LGI2: variants seen among roughly 807,000 people sequenced by gnomAD.
The protein encoded by LGI2 is leucine rich repeat LGI family member 2, also known as leucine-rich repeat LGI family member 2.
A neutral mutation model predicts 52.0 loss-of-function variants in LGI2; 30 were observed. The observed-to-expected ratio is 0.58, with a 90% CI of 0.43 to 0.78. LGI2 has a LOEUF of 0.78. LGI2 is among the 30% of genes least tolerant of loss of function. LGI2 has a pLI of 0.00. For synonymous variants in LGI2, 270 were observed against 271.8 expected (o/e 0.99, Z 0.06); for missense variants, 573 against 692.5 (o/e 0.83, Z 1.94).
intron 7 of LGI2, among the ~76,000 whole-genome samples, chr4:25,005,576 A>C (rs962466178): frequency 6.3e-5 from 4 of 63,828 alleles, no homozygotes; most frequent in Non-Finnish European, 1.4e-4. Context: ...TGTATCCTTG[A>C]AAAAAAAAAA....
In LGI2 at chr4:25,003,978, A is replaced by C; in HGVS notation, c.1111T>G (p.Phe371Val). Reference protein sequence around the residue: ...FYSYQSLHEWFRDTDAEFVDI... With the variant: ...FYSYQSLHEWVRDTDAEFVDI... ...ACAAACTCCGCATCCGTGTCCCTGA[A>C]CCACTCGTGCAGTGACTGGTAAGAA... Residue 371 changes from phenylalanine (F) to valine (V), a missense_variant, in exon 8 of 8, where the codon TTC becomes GTC. By Grantham distance (50) the Phe-to-Val change is conservative (BLOSUM62 -1). Coordinates refer to ENST00000382114, the MANE Select transcript of LGI2 (RefSeq NM_018176.4). 2 of 1,614,150 alleles carry C rather than the reference A, an allele frequency of 1.2e-6. No homozygotes were observed. The highest frequency in any genetic ancestry group is 1.7e-6 in the Non-Finnish European group (2 of 1,180,018).
Position 25,024,458 on chromosome 4 carries a change from G to A in LGI2, c.413+362C>T, listed in dbSNP as rs542099495. ...GAACCCAGGAGGCGGAGGCTGCAGT[G>A]AGCCGAGATCATGCCACTGCACTCC... is the stretch of plus-strand genomic sequence containing the variant. On this transcript the variant is annotated intron_variant, in intron 4 of 7. Coordinates refer to ENST00000382114, the MANE Select transcript of LGI2 (RefSeq NM_018176.4). Among the ~76,000 whole-genome samples the A allele has an allele frequency of 1.2e-4, 19 of 152,284 alleles. No homozygotes were observed. In the South Asian group the frequency reaches 3.9e-3, roughly 32 times the overall value.
At chr4:25,016,192 A>C (rs1253799645) in intron 6 of LGI2, among the ~76,000 whole-genome samples, 1 of 152,190 alleles carries the variant, frequency 6.6e-6, no homozygotes, top group African/African-American at 2.4e-5. Flanking sequence ...AAGCTCAGAA[A>C]ATATGTTTTC....
At chr4:24,997,677 T>G (rs17406878), downstream of LGI2, among the ~76,000 whole-genome samples, 16,394 of 152,164 alleles carry the variant, frequency 0.11, 1,073 homozygotes, top group South Asian at 0.26. Flanking sequence ...TCATACTGTT[T>G]GGTTGACGCC....
chr4:25,020,639 C>T lies in LGI2; in HGVS notation c.414-1401G>A, dbSNP rs556841869. Among the ~76,000 whole-genome samples the T allele has an allele frequency of 1.4e-4, 22 of 152,262 alleles. No homozygotes were observed. In the South Asian group the frequency reaches 2.7e-3, roughly 19 times the overall value. Reference sequence around the variant, plus strand: ...GCATCTTCTGTATCATCATAATGACCCATCCCAGAAGGATGAATTAAAGAA... The same window carrying T: ...GCATCTTCTGTATCATCATAATGACTCATCCCAGAAGGATGAATTAAAGAA... On this transcript the variant is annotated intron_variant, in intron 4 of 7. Coordinates refer to ENST00000382114, the MANE Select transcript of LGI2 (RefSeq NM_018176.4).
Position 25,012,328 on chromosome 4 carries a change from A to G in LGI2, c.820+7T>C. On this transcript the variant is annotated splice_region_variant and intron_variant, in intron 7 of 7. Transcript: ENST00000382114. ...GTTCAACACATCTGATCAAAGCCACAACACACCTGTAATGTTGTCATAGCT... is the reference window on the plus strand; with the variant it reads ...GTTCAACACATCTGATCAAAGCCACGACACACCTGTAATGTTGTCATAGCT... 1 of 1,614,106 alleles carries G rather than the reference A, an allele frequency of 6.2e-7. No homozygotes were observed. The highest frequency in any genetic ancestry group is 8.5e-7 in the Non-Finnish European group (1 of 1,179,930).
rs1415786851 is a variant in LGI2 at position 25,024,900 on chromosome 4, A to G, written c.342-9T>C. On this transcript the variant is annotated splice_polypyrimidine_tract_variant and intron_variant, in intron 3 of 7. Transcript: ENST00000382114. ...TGTTCCCTTCAATGAACCTAAGAGG[A>G]AAAGTTGTATAATTAAAATGAATTT... is the stretch of plus-strand genomic sequence containing the variant. 1 of 1,575,342 alleles carries G rather than the reference A, an allele frequency of 6.3e-7. No homozygotes were observed. The highest frequency in any genetic ancestry group is 1.2e-5 in the South Asian group (1 of 85,130).
chr4:24,994,780 A>G (rs563521040), downstream of LGI2, among the ~76,000 whole-genome samples: 3 of 152,262 alleles, frequency 2.0e-5, no homozygotes, highest in South Asian at 6.2e-4. Flanking sequence ...TCAGGCAGAG[A>G]ATCGGGGCTT....
In LGI2 at chr4:24,999,467, C is replaced by T. The variant is rs868817352; in HGVS notation, c.*3984G>A. Reference sequence around the variant, plus strand: ...AATCCGGACCACTTTCTAATTGCATCATTGCATACAACTAGATTATTGTAT... The same window carrying T: ...AATCCGGACCACTTTCTAATTGCATTATTGCATACAACTAGATTATTGTAT... On this transcript the variant is annotated 3_prime_UTR_variant, in exon 8 of 8. Coordinates refer to ENST00000382114, the MANE Select transcript of LGI2 (RefSeq NM_018176.4). 10 of 154,156 alleles carry T rather than the reference C, an allele frequency of 6.5e-5. No individual in the cohort carries two copies. The highest frequency in any genetic ancestry group is 1.2e-4 in the Non-Finnish European group (8 of 69,438). The allele number at this position is 154,156 out of a possible 1,614,324, so 9.5% of individuals were successfully genotyped here.
intron 3 of LGI2, among the ~76,000 whole-genome samples, chr4:25,026,473 C>T (rs1359443196): frequency 6.6e-6 from 1 of 152,086 alleles, no homozygotes; most frequent in Non-Finnish European, 1.5e-5. Flanking sequence ...TTGTACCCCC[C>T]AAATAGGGAG....
At chr4:24,995,235 T>C (rs138071763), downstream of LGI2, among the ~76,000 whole-genome samples, 247 of 152,344 alleles carry the variant, frequency 1.6e-3, 1 homozygote, top group East Asian at 0.024. Context: ...GTTGGTTCTT[T>C]CTTAAATTAA....
chr4:24,999,791 T>G lies in LGI2; in HGVS notation c.*3660A>C. 2 of 456,054 alleles carry G rather than the reference T, an allele frequency of 4.4e-6. No homozygotes were observed. Among genetic ancestry groups the G allele is most frequent in the South Asian group, 3.1e-5 (2 of 64,492 alleles). 28.3% of individuals were successfully genotyped at this position (456,054 alleles called of 1,614,324 possible). A position where few individuals can be genotyped will look rare whatever the true frequency, so the allele number is the denominator to read the frequency against. The stretch of plus-strand genomic sequence containing the variant: ...CTCTCACTCCATGGGGAAGAAAAAA[T>G]GCAACTCTGCCATTTCCAGTGTGCT... On this transcript the variant is annotated 3_prime_UTR_variant, in exon 8 of 8. Coordinates refer to ENST00000382114, the MANE Select transcript of LGI2 (RefSeq NM_018176.4).
At chr4:25,008,648 C>A (rs1725472140) in intron 7 of LGI2, among the ~76,000 whole-genome samples, 1 of 151,426 alleles carries the variant, frequency 6.6e-6, no homozygotes, top group African/African-American at 2.4e-5. Context: ...TTCCTAAAAT[C>A]TCCACTTTAC....
intron 6 of LGI2, among the ~76,000 whole-genome samples, chr4:25,016,504 C>T (rs1001968055): frequency 4.6e-5 from 7 of 152,194 alleles, no homozygotes; most frequent in Non-Finnish European, 8.8e-5. Context: ...ATTGTCCTGG[C>T]CCTAAAATAC....
intron 4 of LGI2, among the ~76,000 whole-genome samples, chr4:25,020,217 C>T (rs1725911300): frequency 1.3e-5 from 2 of 152,250 alleles, no homozygotes; most frequent in Non-Finnish European, 2.9e-5. Flanking sequence ...TTCATTTTCA[C>T]ATTAATAAAG....
At chr4:24,994,866 T>C (rs1725016266), downstream of LGI2, among the ~76,000 whole-genome samples, 1 of 152,264 alleles carries the variant, frequency 6.6e-6, no homozygotes, top group South Asian at 2.1e-4. Context: ...CAGAGCATCG[T>C]CATCTCCCTC....
intron 4 of LGI2, among the ~76,000 whole-genome samples, chr4:25,024,587 C>T (rs1175370107): frequency 1.3e-5 from 2 of 152,228 alleles, no homozygotes; most frequent in Non-Finnish European, 2.9e-5. Context: ...CTCCTTAATT[C>T]CCACACAGTC....
At position 25,000,154 on chromosome 4, in the gene LGI2, T is replaced by G. The variant is rs564773407; in HGVS notation, c.*3297A>C. 11 of 190,802 alleles carry G rather than the reference T, an allele frequency of 5.8e-5. No homozygotes were observed. The highest frequency in any genetic ancestry group is 2.4e-4 in the African/African-American group (10 of 42,248). The allele number at this position is 190,802 out of a possible 1,614,324, so 11.8% of individuals were successfully genotyped here. A position where few individuals can be genotyped will look rare whatever the true frequency, so the allele number is the denominator to read the frequency against. The stretch of plus-strand genomic sequence containing the variant: ...GGTGTCTATTCAGTATGATTTTTCT[T>G]CTGGCTATGCATATTTTATTGCACT... On this transcript the variant is annotated 3_prime_UTR_variant, in exon 8 of 8. Transcript: ENST00000382114.
At chr4:25,024,355 A>T (rs1221155440) in intron 4 of LGI2, among the ~76,000 whole-genome samples, 1 of 152,198 alleles carries the variant, frequency 6.6e-6, no homozygotes, top group Non-Finnish European at 1.5e-5. Context: ...CTCTACTAAA[A>T]ATACAAAAAT....
Sources: gnomAD v4.1 joint callset for allele counts (sites outside exome capture counted in the v4.1 genomes callset) on GRCh38, gnomAD v4.1.1 for gene constraint, MANE v1.5 for transcripts, NCBI Gene and HGNC (gene_info 2026-07-23, HGNC 2026-07-21) for gene names.